Variants in ESR1 observed in about 807,000 individuals in gnomAD.
The protein encoded by ESR1 is estrogen receptor 1, also known as estrogen receptor.
A neutral mutation model predicts 52.7 loss-of-function variants in ESR1; 12 were observed. The observed-to-expected ratio is 0.23, with a 90% CI of 0.15 to 0.37. ESR1 has a LOEUF of 0.37. Among genes scored for constraint, ESR1 ranks in the 10% least tolerant of loss-of-function variants. The pLI is 1.00. For synonymous variants in ESR1, 305 were observed against 316.8 expected (o/e 0.96, Z 0.39); for missense variants, 584 against 779.7 (o/e 0.75, Z 2.99).
chr6:152,009,316 G>A (rs1186339870), intron 4 of ESR1, among the ~76,000 whole-genome samples: 2 of 152,026 alleles, frequency 1.3e-5, no homozygotes, highest in Non-Finnish European at 2.9e-5. Context: ...TGTAGTGGAA[G>A]GTGCAATAAA....
At chr6:151,847,679 A>G (rs1785381891) in intron 2 of ESR1, among the ~76,000 whole-genome samples, 1 of 129,326 alleles carries the variant, frequency 7.7e-6, no homozygotes, top group East Asian at 2.2e-4. Flanking sequence ...ATTTTCTCCC[A>G]TGTTGTAGGT....
At chr6:152,035,135 A>G (rs6941835) in intron 5 of ESR1, among the ~76,000 whole-genome samples, 17,577 of 152,150 alleles carry the variant, frequency 0.12, 1,258 homozygotes, top group East Asian at 0.33. Context: ...CAGACTTAAT[A>G]TATCCTATTT....
At chr6:151,657,912 A>G (rs10484920) in intron 1 of ESR1, among the ~76,000 whole-genome samples, 7,983 of 152,286 alleles carry the variant, frequency 0.052, 222 homozygotes, top group African/African-American at 0.071. Context: ...TATGATGACC[A>G]GAGTTGTTCA....
intron 2 of ESR1, among the ~76,000 whole-genome samples, chr6:151,794,891 G>A (rs560573248): frequency 2.6e-5 from 4 of 152,228 alleles, no homozygotes; most frequent in African/African-American, 9.6e-5. Flanking sequence ...TAGTAAGCAC[G>A]CCTTCAACAA....
At position 152,010,556 on chromosome 6, in the gene ESR1, T is replaced by A. The variant is rs574506966; in HGVS notation, c.1097-1100T>A. Among the ~76,000 whole-genome samples, 3 of 152,222 alleles carry A rather than the reference T, an allele frequency of 2.0e-5. 1 individual carries two copies. The South Asian group carries it at 6.2e-4, about 32-fold the overall frequency. ...CTGATTTGGAAGGCAGCAAACTTCA[T>A]GGATACTTGATTTATTTAATGTCCC... On this transcript the variant is annotated intron_variant, in intron 4 of 7. Transcript: ENST00000206249.
intron 3 of ESR1, among the ~76,000 whole-genome samples, chr6:151,886,973 G>A (rs543056187): frequency 7.9e-5 from 12 of 151,608 alleles, no homozygotes; most frequent in East Asian, 1.9e-4. Context: ...CTCAGGAGAC[G>A]GAGGTTGCAG....
intron 4 of ESR1, among the ~76,000 whole-genome samples, chr6:152,003,493 G>A (rs1249838510): frequency 6.6e-6 from 1 of 151,806 alleles, no homozygotes; most frequent in Non-Finnish European, 1.5e-5. Context: ...TAGGAGTGAG[G>A]CAATCATTTT....
intron 4 of ESR1, among the ~76,000 whole-genome samples, chr6:151,993,584 C>T (rs906333137): frequency 6.6e-6 from 1 of 152,204 alleles, no homozygotes; most frequent in African/African-American, 2.4e-5. Context: ...CCTTGCAGAT[C>T]CCGCTCTTCT....
At chr6:152,023,502 G>A (rs60521239) in intron 5 of ESR1, among the ~76,000 whole-genome samples, 134 of 152,030 alleles carry the variant, frequency 8.8e-4, no homozygotes, top group African/African-American at 3.1e-3. Context: ...ACATCAGTAG[G>A]CATTTACAAA....
intron 2 of ESR1, among the ~76,000 whole-genome samples, chr6:151,771,649 A>G (rs1052963145): frequency 5.9e-5 from 9 of 152,258 alleles, no homozygotes; most frequent in African/African-American, 2.2e-4. Context: ...ATATTTTTAA[A>G]TAAGCAACTG....
At chr6:151,785,428 G>A (rs1227107542) in intron 2 of ESR1, among the ~76,000 whole-genome samples, 1 of 152,202 alleles carries the variant, frequency 6.6e-6, no homozygotes, top group African/African-American at 2.4e-5. Flanking sequence ...GAACCACAGA[G>A]TAAGGGTATA....
chr6:152,102,930 A>T lies in ESR1; in HGVS notation c.*3964A>T. The T allele has an allele frequency of 8.9e-6, 2 of 224,382 alleles. No homozygotes were observed. The highest frequency in any genetic ancestry group is 1.3e-4 in the East Asian group (2 of 15,466). The allele number at this position is 224,382 out of a possible 1,614,324, so 13.9% of individuals were successfully genotyped here. On this transcript the variant is annotated 3_prime_UTR_variant, in exon 8 of 8. Transcript: ENST00000206249. ...CACAGACCCCTTTGCATTCACAGAG[A>T]GGTCATTGGTTATAGAGACTTGAAT...
At chr6:151,917,271 T>A (rs943027474) in intron 3 of ESR1, among the ~76,000 whole-genome samples, 8 of 152,202 alleles carry the variant, frequency 5.3e-5, no homozygotes, top group Admixed American at 4.6e-4. Context: ...CACAGAACTT[T>A]ACAGGCTGAA....
intron 1 of ESR1, among the ~76,000 whole-genome samples, chr6:151,839,308 A>G (rs1481663904): frequency 6.6e-6 from 1 of 152,206 alleles, no homozygotes; most frequent in Non-Finnish European, 1.5e-5. Context: ...CCTCGCACTC[A>G]TTAGGATGGC....
At chr6:151,865,693 C>T (rs187200944) in intron 2 of ESR1, among the ~76,000 whole-genome samples, 6 of 152,286 alleles carry the variant, frequency 3.9e-5, no homozygotes, top group East Asian at 1.9e-4. Flanking sequence ...TGGGCACTAA[C>T]GAACAACAGA....
intron 5 of ESR1, among the ~76,000 whole-genome samples, chr6:152,030,207 C>A (rs541440074): frequency 6.6e-6 from 1 of 152,146 alleles, no homozygotes; most frequent in Non-Finnish European, 1.5e-5. Context: ...GAAAGACCAT[C>A]GAGGCTAGGA....
chr6:151,933,513 G>A (rs1340436663), intron 3 of ESR1, among the ~76,000 whole-genome samples: 2 of 151,200 alleles, frequency 1.3e-5, no homozygotes, highest in South Asian at 2.1e-4. Flanking sequence ...CGGTGAGAGA[G>A]GGCATCCCTG....
chr6:152,085,996 G>T (rs575040572), intron 6 of ESR1, among the ~76,000 whole-genome samples: 1 of 152,310 alleles, frequency 6.6e-6, no homozygotes, highest in African/African-American at 2.4e-5. Flanking sequence ...GCAAGAAAAG[G>T]TAGGATCCAG....
intron 2 of ESR1, among the ~76,000 whole-genome samples, chr6:151,759,159 C>T (rs1435973591): frequency 2.0e-5 from 3 of 150,490 alleles, no homozygotes; most frequent in African/African-American, 7.4e-5. Flanking sequence ...CCTGTAGTCC[C>T]AGCTACTCAA....
Sources: gnomAD v4.1 joint callset for allele counts (sites outside exome capture counted in the v4.1 genomes callset) on GRCh38, gnomAD v4.1.1 for gene constraint, MANE v1.5 for transcripts, NCBI Gene and HGNC (gene_info 2026-07-23, HGNC 2026-07-21) for gene names.